PPARGC1B: variants seen among roughly 807,000 people sequenced by gnomAD.
The protein encoded by PPARGC1B is peroxisome proliferator-activated receptor gamma coactivator 1-beta.
PPARGC1B carries 34 observed loss-of-function variants against 101.6 expected under a neutral mutation model. The ratio of observed to expected loss-of-function variants is 0.33; its 90% CI spans 0.25 to 0.45. PPARGC1B has a LOEUF of 0.45. PPARGC1B is among the 20% of genes least tolerant of loss of function. PPARGC1B has a pLI of 1.00. For missense variants in PPARGC1B, 1,234 were observed against 1,317.6 expected, an observed-to-expected ratio of 0.94 and a Z score of 0.98; for synonymous variants, 548 against 539.3, an observed-to-expected ratio of 1.02 and a Z score of -0.22.
chr5:149,731,119 C>T (rs977187375), intron 1 of PPARGC1B, among the ~76,000 whole-genome samples: 1 of 152,150 alleles, frequency 6.6e-6, no homozygotes, highest in Non-Finnish European at 1.5e-5. Flanking sequence ...TGCGCGGCCC[C>T]GGTGCGCGCT....
chr5:149,842,436 C>G (rs959260469), intron 10 of PPARGC1B, 59 bp downstream of exon 10: 2 of 1,584,422 alleles, frequency 1.3e-6, no homozygotes, highest in Non-Finnish European at 1.7e-6. Flanking sequence ...GGTCCTGATC[C>G]AGAATTGGGT....
rs538456082 is a variant in PPARGC1B at position 149,749,059 on chromosome 5, C to T, written c.78+18639C>T. Among the ~76,000 whole-genome samples, 7 of 152,060 alleles carry T rather than the reference C, an allele frequency of 4.6e-5. No individual in the cohort carries two copies. In the South Asian group the frequency reaches 1.5e-3, roughly 32 times the overall value. Reference sequence around the variant, plus strand: ...CAGGGATTTGTGTTAAGGATTGACACAAAGGCTGGGGTACAGCTTCTCATA... The same window carrying T: ...CAGGGATTTGTGTTAAGGATTGACATAAAGGCTGGGGTACAGCTTCTCATA... On this transcript the variant is annotated intron_variant, in intron 1 of 11. Coordinates refer to ENST00000309241, the MANE Select transcript of PPARGC1B (RefSeq NM_133263.4).
At chr5:149,796,255 T>G (rs1561549345) in intron 1 of PPARGC1B, among the ~76,000 whole-genome samples, 1 of 152,146 alleles carries the variant, frequency 6.6e-6, no homozygotes, top group Non-Finnish European at 1.5e-5. Flanking sequence ...ACATTTGATC[T>G]AAACATCAGA....
chr5:149,835,151 C>T (rs902006292), intron 6 of PPARGC1B, 150 bp from the exon 7 acceptor site: 2 of 740,562 alleles, frequency 2.7e-6, no homozygotes, highest in South Asian at 1.7e-5. Context: ...GATGGGGTTT[C>T]CCCCAGAGCG....
chr5:149,759,503 A>G (rs4705373), intron 1 of PPARGC1B, among the ~76,000 whole-genome samples: 102,758 of 151,916 alleles, frequency 0.68, 34,727 homozygotes, highest in South Asian at 0.75. Flanking sequence ...AGGTACTACC[A>G]TTTCCCATTT....
At chr5:149,801,571 A>G (rs765038241) in intron 1 of PPARGC1B, among the ~76,000 whole-genome samples, 18 of 152,224 alleles carry the variant, frequency 1.2e-4, no homozygotes, top group Middle Eastern at 6.8e-3. Context: ...GAGGCAGGAG[A>G]CACACCGTGC....
At position 149,845,814 on chromosome 5, in the gene PPARGC1B, T is replaced by C. The variant is rs775949016; in HGVS notation, c.2871T>C (p.Ser957=). 1.2e-6 allele frequency: 2 copies of C among 1,614,130 alleles called. No individual in the cohort carries two copies. Among genetic ancestry groups the C allele is most frequent in the East Asian group, 2.2e-5 (1 of 44,874 alleles). ...TYRCSEHAAL[S]LTKGAALRKR... ...GGTGTTCTGAGCACGCGGCCCTCTC[T>C]TTGACAAAGGGCGCTGCCCTGAGGA... Residue 957 remains serine, a synonymous_variant, in exon 11 of 12, where the codon TCT becomes TCC. Transcript: ENST00000309241.
intron 8 of PPARGC1B, 107 bp from the exon 9 acceptor site, chr5:149,839,934 G>A (rs533181444): frequency 4.9e-5 from 57 of 1,163,242 alleles, no homozygotes; most frequent in East Asian, 4.7e-4. Flanking sequence ...GTGTGCCCTC[G>A]TGAACAAATC....
intron 1 of PPARGC1B, among the ~76,000 whole-genome samples, chr5:149,792,676 C>A (rs192767020): frequency 5.8e-4 from 88 of 152,226 alleles, no homozygotes; most frequent in Non-Finnish European, 9.6e-4. Flanking sequence ...TATTTTGACG[C>A]TTAAAGAATG....
At chr5:149,778,797 A>G (rs542763607) in intron 1 of PPARGC1B, among the ~76,000 whole-genome samples, 2 of 152,118 alleles carry the variant, frequency 1.3e-5, no homozygotes, top group Non-Finnish European at 2.9e-5. Flanking sequence ...CCTGGCACTC[A>G]TGGCCTCAGT....
intron 1 of PPARGC1B, among the ~76,000 whole-genome samples, chr5:149,810,024 C>T (rs1385658798): frequency 5.9e-5 from 9 of 152,276 alleles, no homozygotes; most frequent in Non-Finnish European, 1.5e-5. Context: ...CACAACTGTT[C>T]CAGGAGGGAG....
chr5:149,759,521 A>G (rs1755647435), intron 1 of PPARGC1B, among the ~76,000 whole-genome samples: 1 of 152,190 alleles, frequency 6.6e-6, no homozygotes, highest in South Asian at 2.1e-4. Flanking sequence ...TTTGGTACCC[A>G]GAAGCCAGAC....
chr5:149,783,961 C>T (rs1324417847), intron 1 of PPARGC1B, among the ~76,000 whole-genome samples: 5 of 152,092 alleles, frequency 3.3e-5, no homozygotes, highest in East Asian at 3.9e-4. Context: ...TGCAGGCATG[C>T]GTGTACATAC....
intron 1 of PPARGC1B, among the ~76,000 whole-genome samples, chr5:149,755,052 C>CATATACATATATATATATATAT (rs1360005539): frequency 1.8e-5 from 2 of 108,956 alleles, no homozygotes; most frequent in Non-Finnish European, 1.8e-5. Flanking sequence ...TATACATATA[C>CATATACATATATATATATATAT]ATATATATAT....
At chr5:149,738,093 A>G (rs57728378) in intron 1 of PPARGC1B, among the ~76,000 whole-genome samples, 3,452 of 152,310 alleles carry the variant, frequency 0.023, 123 homozygotes, top group African/African-American at 0.077. Flanking sequence ...CAAATAATAG[A>G]TATATCTCTT....
At chr5:149,793,956 C>G (rs1293082893) in intron 1 of PPARGC1B, among the ~76,000 whole-genome samples, 3 of 152,216 alleles carry the variant, frequency 2.0e-5, no homozygotes, top group Non-Finnish European at 2.9e-5. Flanking sequence ...TGCGCCAAAT[C>G]CAATCAGCTG....
At chr5:149,768,441 ATTTTT>A (rs34427591) in intron 1 of PPARGC1B, among the ~76,000 whole-genome samples, 1 of 127,528 alleles carries the variant, frequency 7.8e-6, no homozygotes, top group Admixed American at 7.9e-5. Flanking sequence ...TGCCTGGCTA[ATTTTT>A]TTTTTTTTTT....
intron 1 of PPARGC1B, among the ~76,000 whole-genome samples, chr5:149,744,665 A>G (rs17110375): frequency 0.076 from 11,522 of 152,338 alleles, 470 homozygotes; most frequent in South Asian, 0.13. Flanking sequence ...GTTAGCATAC[A>G]TAATTCCTTG....
At position 149,819,490 on chromosome 5, in the gene PPARGC1B, TTTTG is replaced by T. The variant is rs202174536; in HGVS notation, c.79-939_79-936del. ...TATGGGTGTTTGTTTGTTTGTTTGT[TTTTG>T]TTTTTTTTTGTTTGTTTTTCGTTTT... On this transcript the variant is annotated intron_variant, in intron 1 of 11. Coordinates refer to ENST00000309241, the MANE Select transcript of PPARGC1B (RefSeq NM_133263.4). Among the ~76,000 whole-genome samples the T allele has an allele frequency of 5.7e-3, 829 of 144,872 alleles. 8 individuals are homozygous for T. The highest frequency in any genetic ancestry group is 0.02 in the African/African-American group (780 of 38,470).
Sources: allele counts gnomAD v4.1 joint callset (sites outside exome capture counted in the v4.1 genomes callset), GRCh38; gene constraint gnomAD v4.1.1; transcripts MANE v1.5; gene names NCBI Gene and HGNC (gene_info 2026-07-23, HGNC 2026-07-21).